NINL: variants seen among roughly 807,000 people sequenced by gnomAD.
NINL encodes the protein ninein-like protein.
A neutral mutation model predicts 160.3 loss-of-function variants in NINL; 153 were observed. The observed-to-expected ratio is 0.95, with a 90% CI of 0.84 to 1.09. NINL has a LOEUF of 1.09. Among genes scored for constraint, NINL ranks in the 50% least tolerant of loss-of-function variants. NINL has a pLI of 0.00. For missense variants in NINL, 1,829 were observed against 1,764.0 expected (o/e 1.04, Z -0.66); for synonymous variants, 800 against 734.8 (o/e 1.09, Z -1.43).
intron 2 of NINL, among the ~76,000 whole-genome samples, chr20:25,520,445 G>A (rs2064243309): frequency 6.6e-6 from 1 of 152,170 alleles, no homozygotes; most frequent in African/African-American, 2.4e-5. Context: ...ACCTCTGCCT[G>A]GGACACACAT....
intron 13 of NINL, among the ~76,000 whole-genome samples, chr20:25,482,701 T>G (rs1264257269): frequency 1.3e-5 from 2 of 149,096 alleles, no homozygotes; most frequent in African/African-American, 4.9e-5. Context: ...AAGAAAAAAG[T>G]GAGGCAGCTC....
In NINL at chr20:25,471,914, T is replaced by G. The variant is rs566160276; in HGVS notation, c.3249-1819A>C. ...AACATACATGGAGCAAAGCCACCCA[T>G]AAATGACAGCAGAAGCCAGAAGCCA... On this transcript the variant is annotated intron_variant, in intron 17 of 23. Coordinates refer to ENST00000278886, the MANE Select transcript of NINL (RefSeq NM_025176.6). Among the ~76,000 whole-genome samples, 10 of 152,230 alleles carry G rather than the reference T, an allele frequency of 6.6e-5. No individual in the cohort carries two copies. The South Asian group carries it at 2.1e-3, about 32-fold the overall frequency.
chr20:25,537,134 G>T (rs940978668), intron 1 of NINL, among the ~76,000 whole-genome samples: 5 of 152,116 alleles, frequency 3.3e-5, no homozygotes, highest in African/African-American at 1.2e-4. Flanking sequence ...GTTGGCTGGG[G>T]TGCAGTGGCG....
chr20:25,575,426 A>G (rs6083885), intron 1 of NINL, among the ~76,000 whole-genome samples: 139,877 of 144,060 alleles, frequency 0.97, 68,033 homozygotes, highest in Non-Finnish European at 1. Flanking sequence ...CAGCCTGGGC[A>G]ACAGAGCGAG....
chr20:25,473,004 G>C (rs1031275656), intron 17 of NINL, among the ~76,000 whole-genome samples: 1 of 152,104 alleles, frequency 6.6e-6, no homozygotes, highest in Non-Finnish European at 1.5e-5. Flanking sequence ...ATAAACTGTG[G>C]TATGTTCACA....
In NINL at chr20:25,581,445, T is replaced by TAAA. The variant is rs1459116101; in HGVS notation, c.-12+4009_-12+4010insTTT. ...TGACAGAGCGAGACTCCTTCTCAGT[T>TAAA]TAAAAAAAAAAAAAATCCAAAGGTA... On this transcript the variant is annotated intron_variant, in intron 1 of 23. Transcript: ENST00000278886. Among the ~76,000 whole-genome samples the TAAA allele has an allele frequency of 3.2e-3, 13 of 4,032 alleles. 1 individual carries two copies. The South Asian group carries it at 0.21, about 65-fold the overall frequency. 2.6% of individuals were successfully genotyped at this position (4,032 alleles called of 152,430 possible). A position where few individuals can be genotyped will look rare whatever the true frequency, so the allele number is the denominator to read the frequency against.
At chr20:25,576,546 C>A (rs970775628) in intron 1 of NINL, among the ~76,000 whole-genome samples, 1 of 152,218 alleles carries the variant, frequency 6.6e-6, no homozygotes, top group Non-Finnish European at 1.5e-5. Context: ...GTAGCCTCCA[C>A]TTCCCGTGCT....
At chr20:25,556,976 C>T (rs1296896830) in intron 1 of NINL, among the ~76,000 whole-genome samples, 2 of 152,168 alleles carry the variant, frequency 1.3e-5, no homozygotes, top group Non-Finnish European at 2.9e-5. Flanking sequence ...CCCACCTCCA[C>T]AGCTCCCACT....
intron 13 of NINL, among the ~76,000 whole-genome samples, chr20:25,483,345 A>G (rs909882543): frequency 1.3e-5 from 2 of 151,374 alleles, no homozygotes; most frequent in African/African-American, 4.8e-5. Context: ...CAAAAAAAAA[A>G]AAAGAAAAGA....
intron 9 of NINL, among the ~76,000 whole-genome samples, chr20:25,497,554 T>C (rs910306369): frequency 4.6e-5 from 7 of 152,236 alleles, no homozygotes; most frequent in African/African-American, 1.4e-4. Context: ...CTTCAGAACA[T>C]TGACAAAAAC....
rs149680805 is a variant in NINL, at chr20:25,548,285, T to C, written c.-11-21687A>G. Among the ~76,000 whole-genome samples, 560 of 152,298 alleles carry C rather than the reference T, an allele frequency of 3.7e-3. 2 individuals are homozygous for C. The highest frequency in any genetic ancestry group is 0.013 in the African/African-American group (531 of 41,562). On this transcript the variant is annotated intron_variant, in intron 1 of 23. Coordinates refer to ENST00000278886, the MANE Select transcript of NINL (RefSeq NM_025176.6). The stretch of plus-strand genomic sequence containing the variant: ...AAGCCAAACCTGATCCCAGGCACCT[T>C]TGTGCTCCAAAATTCTCATTCTCTT...
At chr20:25,503,612 A>C (rs1601168938) in intron 7 of NINL, among the ~76,000 whole-genome samples, 1 of 151,988 alleles carries the variant, frequency 6.6e-6, no homozygotes, top group Non-Finnish European at 1.5e-5. Flanking sequence ...TCGGGTGGGC[A>C]CCTGAGCTGC....
chr20:25,527,880 T>C (rs766809528), intron 1 of NINL, among the ~76,000 whole-genome samples: 5 of 152,234 alleles, frequency 3.3e-5, no homozygotes, highest in Middle Eastern at 3.4e-3. Context: ...TTTAAGAAAA[T>C]AGTTACAGAC....
In NINL at chr20:25,568,111, GA is replaced by G. The variant is rs567475045; in HGVS notation, c.-12+17343del. Among the ~76,000 whole-genome samples, 784 of 149,342 alleles carry G rather than the reference GA, an allele frequency of 5.2e-3. 8 individuals carry two copies. Among genetic ancestry groups the G allele is most frequent in the African/African-American group, 0.019 (760 of 40,626 alleles). On this transcript the variant is annotated intron_variant, in intron 1 of 23. Transcript: ENST00000278886. ...TAAAACTGAACGCAGAAAAGTAATA[GA>G]AAAAAAATCAGTAAAACCCAAAGCT...
chr20:25,576,594 A>G (rs4815433), intron 1 of NINL, among the ~76,000 whole-genome samples: 147,711 of 152,248 alleles, frequency 0.97, 71,810 homozygotes, highest in Non-Finnish European at 1. Context: ...AAGTAGCTTG[A>G]ACCACAGGCA....
Position 25,480,344 on chromosome 20 carries a change from T to C in NINL, c.1811-77A>G, listed in dbSNP as rs2063361974. 2.6e-6 allele frequency: 3 copies of C among 1,151,664 alleles called. No homozygotes were observed. In the Admixed American group the frequency reaches 5.5e-5, roughly 21 times the overall value. The allele number at this position is 1,151,664 out of a possible 1,614,324, so 71.3% of individuals were successfully genotyped here. A position where few individuals can be genotyped will look rare whatever the true frequency, so the allele number is the denominator to read the frequency against. The stretch of plus-strand genomic sequence containing the variant: ...CCCTTCCAAACCTTCCAATCTGATA[T>C]TTTGGCATTGGCATCCATGAGGGGC... On this transcript the variant is annotated intron_variant, in intron 14 of 23. Coordinates refer to ENST00000278886, the MANE Select transcript of NINL (RefSeq NM_025176.6).
intron 6 of NINL, 58 bp from the exon 7 acceptor site, chr20:25,504,162 C>A: frequency 6.6e-7 from 1 of 1,507,802 alleles, no homozygotes; most frequent in Admixed American, 2.3e-5. Flanking sequence ...CAACCGCCCT[C>A]ACCAGGGCCT....
chr20:25,554,734 G>A (rs955633283), intron 1 of NINL, among the ~76,000 whole-genome samples: 5 of 151,908 alleles, frequency 3.3e-5, no homozygotes, highest in African/African-American at 1.2e-4. Context: ...TTGGGCCCAG[G>A]AGGTCAAGGC....
chr20:25,543,551 A>C (rs1358978749), intron 1 of NINL, among the ~76,000 whole-genome samples: 1 of 152,186 alleles, frequency 6.6e-6, no homozygotes, highest in African/African-American at 2.4e-5. Context: ...TTCGACGCCT[A>C]AGTAACAAAA....
Sources: allele counts gnomAD v4.1 joint callset (sites outside exome capture counted in the v4.1 genomes callset), GRCh38; gene constraint gnomAD v4.1.1; transcripts MANE v1.5; gene names NCBI Gene and HGNC (gene_info 2026-07-23, HGNC 2026-07-21).